The following EPB41L4A variants were observed in gnomAD, a reference collection of about 807,000 sequenced individuals.
EPB41L4A encodes the protein erythrocyte membrane protein band 4.1 like 4A.
Under a neutral mutation model 108.6 loss-of-function variants are expected in EPB41L4A, and 100 were observed. The observed-to-expected ratio is 0.92, with a 90% confidence interval of 0.78 to 1.09. The LOEUF is 1.09. Among genes scored for constraint, EPB41L4A ranks in the 50% least tolerant of loss-of-function variants. The pLI, the probability that EPB41L4A is intolerant of heterozygous loss-of-function variation, is 0.00. For synonymous variants in EPB41L4A, 319 were observed against 289.0 expected, an observed-to-expected ratio of 1.10 and a Z score of -1.05; for missense variants, 1,030 against 842.7, an observed-to-expected ratio of 1.22 and a Z score of -2.75.
intron 1 of EPB41L4A, among the ~76,000 whole-genome samples, chr5:112,346,215 C>CTTTTTTTTTTTT (rs1479210695): frequency 4.3e-4 from 21 of 49,048 alleles, no homozygotes; most frequent in African/African-American, 5.4e-4. Context: ...AGGTACATTG[C>CTTTTTTTTTTTT]ATTTTTTTTT....
chr5:112,334,167 T>C (rs532393749), intron 1 of EPB41L4A, among the ~76,000 whole-genome samples: 24 of 152,304 alleles, frequency 1.6e-4, no homozygotes, highest in African/African-American at 5.8e-4. Context: ...AAACCCTTTT[T>C]GTAGCAACAA....
At chr5:112,310,091 T>C (rs947286646) in intron 1 of EPB41L4A, among the ~76,000 whole-genome samples, 4 of 152,236 alleles carry the variant, frequency 2.6e-5, no homozygotes, top group Non-Finnish European at 5.9e-5. Flanking sequence ...CCTGGACTTG[T>C]GGCCTACAGA....
At chr5:112,412,371 A>T (rs1762461101) in intron 1 of EPB41L4A, among the ~76,000 whole-genome samples, 1 of 152,232 alleles carries the variant, frequency 6.6e-6, no homozygotes, top group African/African-American at 2.4e-5. Context: ...ATCTCTTTGC[A>T]AGAGTGTGTA....
chr5:112,367,296 GAAT>G (rs1042574065), intron 1 of EPB41L4A, among the ~76,000 whole-genome samples: 6 of 152,134 alleles, frequency 3.9e-5, no homozygotes, highest in African/African-American at 1.4e-4. Context: ...GACAGATGGA[GAAT>G]AAAATAAAAC....
rs562339309 is a variant in EPB41L4A at position 112,390,458 on chromosome 5, C to G, written c.99+28483G>C. On this transcript the variant is annotated intron_variant, in intron 1 of 22. Coordinates refer to ENST00000261486, the MANE Select transcript of EPB41L4A (RefSeq NM_022140.5). ...CTTGCTCACTGCCAGCACAGCAGTC[C>G]GAGATCGAGCTGTGAGCTGACAGCC... Among the ~76,000 whole-genome samples the G allele has an allele frequency of 3.9e-3, 598 of 152,244 alleles. 5 individuals carry two copies. The highest frequency in any genetic ancestry group is 0.013 in the African/African-American group (541 of 41,558).
intron 4 of EPB41L4A, among the ~76,000 whole-genome samples, chr5:112,273,513 A>G (rs9326851): frequency 0.94 from 142,911 of 152,242 alleles, 67,577 homozygotes; most frequent in Non-Finnish European, 1. Flanking sequence ...TATTGAAGAT[A>G]TAATTCCACT....
intron 1 of EPB41L4A, among the ~76,000 whole-genome samples, chr5:112,315,134 T>C (rs935278628): frequency 1.3e-5 from 2 of 152,194 alleles, no homozygotes; most frequent in African/African-American, 4.8e-5. Context: ...GTCAAAATCC[T>C]ACTTATCCTT....
intron 12 of EPB41L4A, among the ~76,000 whole-genome samples, chr5:112,149,522 G>A (rs1759386301): frequency 1.3e-5 from 2 of 152,070 alleles, no homozygotes. Context: ...AATTATTTTG[G>A]AAAGAATTGT....
At chr5:112,210,171 C>T (rs981816437) in intron 12 of EPB41L4A, 189 bp from the exon 13 acceptor site, 1 of 458,750 alleles carries the variant, frequency 2.2e-6, no homozygotes, top group Non-Finnish European at 3.8e-6. Flanking sequence ...GTGTACTAAA[C>T]CCTCAACATA....
At chr5:112,212,016 G>C (rs1762768219) in intron 12 of EPB41L4A, among the ~76,000 whole-genome samples, 1 of 152,142 alleles carries the variant, frequency 6.6e-6, no homozygotes, top group African/African-American at 2.4e-5. Context: ...AATTCTGCCT[G>C]GTGTGATAAA....
chr5:112,203,910 A>G lies in EPB41L4A; in HGVS notation c.1376+465T>C, dbSNP rs192902448. ...AAAAATCAGCCGGGCGTGGCAGCACATGCCTGTAATCTCAGCTACTGGGGA... is the reference window on the plus strand; with the variant it reads ...AAAAATCAGCCGGGCGTGGCAGCACGTGCCTGTAATCTCAGCTACTGGGGA... On this transcript the variant is annotated intron_variant, in intron 15 of 22. Transcript: ENST00000261486. 5.7e-3 allele frequency among the ~76,000 whole-genome samples: 873 copies of G among 152,148 alleles called. 7 individuals are homozygous for G. The highest frequency in any genetic ancestry group is 6.7e-3 in the Non-Finnish European group (457 of 67,990).
At chr5:112,262,077 A>G (rs1751532269) in intron 7 of EPB41L4A, among the ~76,000 whole-genome samples, 1 of 151,970 alleles carries the variant, frequency 6.6e-6, no homozygotes, top group African/African-American at 2.4e-5. Flanking sequence ...TTTTTAGTAG[A>G]GTCAGGGTTT....
chr5:112,237,172 A>C (rs1212173239), intron 11 of EPB41L4A, among the ~76,000 whole-genome samples: 1 of 152,222 alleles, frequency 6.6e-6, no homozygotes, highest in African/African-American at 2.4e-5. Context: ...GCAATGTATA[A>C]CAAAATGTTT....
intron 12 of EPB41L4A, among the ~76,000 whole-genome samples, chr5:112,155,937 T>C (rs746885634): frequency 6.6e-6 from 1 of 152,128 alleles, no homozygotes; most frequent in Non-Finnish European, 1.5e-5. Context: ...GATATGTATA[T>C]AATTTTAATA....
In EPB41L4A at chr5:112,305,197, G is replaced by A. The variant is rs76565916; in HGVS notation, c.204+2189C>T. Among the ~76,000 whole-genome samples, 306 of 152,170 alleles carry A rather than the reference G, an allele frequency of 2.0e-3. 2 individuals are homozygous for A. The highest frequency in any genetic ancestry group is 6.9e-3 in the African/African-American group (286 of 41,528). ...AAGATGCTTAACCTTCTTAGTTTGC[G>A]TTTCATCATCTCCAACAGAAAGATA... is the stretch of plus-strand genomic sequence containing the variant. On this transcript the variant is annotated intron_variant, in intron 2 of 22. Transcript: ENST00000261486.
intron 1 of EPB41L4A, among the ~76,000 whole-genome samples, chr5:112,308,320 T>C (rs1046525990): frequency 1.3e-5 from 2 of 152,184 alleles, no homozygotes; most frequent in African/African-American, 4.8e-5. Flanking sequence ...AGGAGGGCTT[T>C]TGTTCAGTTT....
chr5:112,152,349 T>C (rs940534733), intron 12 of EPB41L4A, among the ~76,000 whole-genome samples: 4 of 152,016 alleles, frequency 2.6e-5, no homozygotes, highest in African/African-American at 9.7e-5. Flanking sequence ...AATCCAATCT[T>C]ATGATATTTA....
At chr5:112,316,495 G>C (rs1286139650) in intron 1 of EPB41L4A, among the ~76,000 whole-genome samples, 1 of 152,074 alleles carries the variant, frequency 6.6e-6, no homozygotes, top group Admixed American at 6.5e-5. Flanking sequence ...TCCCAGGGGA[G>C]GCACTGTTCA....
intron 1 of EPB41L4A, among the ~76,000 whole-genome samples, chr5:112,339,468 A>AAATATCTATATATCTATATC (rs1561584809): frequency 1.7e-4 from 8 of 48,268 alleles, no homozygotes; most frequent in African/African-American, 4.5e-4. Flanking sequence ...ATAGATATAT[A>AAATATCTATATATCTATATC]TATATCTATA....
Sources: allele counts gnomAD v4.1 joint callset (sites outside exome capture counted in the v4.1 genomes callset), GRCh38; gene constraint gnomAD v4.1.1; transcripts MANE v1.5; gene names NCBI Gene and HGNC (gene_info 2026-07-23, HGNC 2026-07-21).